The following RBFOX1 variants were observed in gnomAD, a reference collection of about 807,000 sequenced individuals.
The protein encoded by RBFOX1 is RNA binding protein fox-1 homolog 1.
Under a neutral mutation model 57.7 loss-of-function variants are expected in RBFOX1, and 8 were observed. That is an observed-to-expected ratio of 0.14 (90% CI 0.08 to 0.25). RBFOX1 has a LOEUF of 0.25. RBFOX1 is among the 10% of genes least tolerant of loss of function. The pLI, the probability that RBFOX1 is intolerant of heterozygous loss-of-function variation, is 1.00. For missense variants in RBFOX1, 611 were observed against 548.5 expected (o/e 1.11, Z -1.14); for synonymous variants, 326 against 222.4 (o/e 1.47, Z -4.15).
chr16:7,152,500 T>C (rs2076291678), intron 4 of RBFOX1, among the ~76,000 whole-genome samples: 1 of 152,174 alleles, frequency 6.6e-6, no homozygotes. Context: ...TCTTTAAAAA[T>C]TGTGGCCTTA....
At chr16:6,799,678 T>A (rs1301404536) in intron 3 of RBFOX1, among the ~76,000 whole-genome samples, 3 of 152,150 alleles carry the variant, frequency 2.0e-5, no homozygotes, top group Non-Finnish European at 2.9e-5. Flanking sequence ...GAAGGTGGGA[T>A]GAGCTAGTTT....
chr16:7,207,488 C>T (rs1243922379), intron 4 of RBFOX1, among the ~76,000 whole-genome samples: 1 of 152,066 alleles, frequency 6.6e-6, no homozygotes, highest in East Asian at 1.9e-4. Flanking sequence ...CCGGACTGGC[C>T]CCTAGCACAG....
intron 2 of RBFOX1, among the ~76,000 whole-genome samples, chr16:6,454,909 C>A (rs5026400): frequency 0.82 from 106,738 of 129,590 alleles, 43,957 homozygotes; most frequent in Middle Eastern, 0.91. Context: ...TTTGAGTTGG[C>A]GTCTCGCCCT....
chr16:6,268,824 C>A (rs551354343), intron 1 of RBFOX1, among the ~76,000 whole-genome samples: 1 of 152,274 alleles, frequency 6.6e-6, no homozygotes, highest in East Asian at 1.9e-4. Flanking sequence ...CCCTGTTCCT[C>A]CAACAGAGAA....
intron 4 of RBFOX1, among the ~76,000 whole-genome samples, chr16:7,391,371 T>C (rs1322642337): frequency 6.6e-6 from 1 of 152,176 alleles, no homozygotes; most frequent in African/African-American, 2.4e-5. Context: ...TCTCCAAGGA[T>C]ACCAATTATA....
chr16:7,575,028 C>T (rs906269331), intron 5 of RBFOX1, among the ~76,000 whole-genome samples: 3 of 147,050 alleles, frequency 2.0e-5, no homozygotes, highest in Non-Finnish European at 4.5e-5. Context: ...ATGTCCTTGT[C>T]TTCCATAAAT....
intron 4 of RBFOX1, among the ~76,000 whole-genome samples, chr16:7,196,161 C>T (rs895372503): frequency 2.6e-5 from 4 of 152,070 alleles, no homozygotes; most frequent in Non-Finnish European, 5.9e-5. Flanking sequence ...CAGGCTTGGC[C>T]CAATAATTTT....
At chr16:7,704,073 C>T (rs956090675) in intron 14 of RBFOX1, among the ~76,000 whole-genome samples, 3 of 152,136 alleles carry the variant, frequency 2.0e-5, no homozygotes, top group Admixed American at 6.5e-5. Context: ...AAAACTACTG[C>T]TTTACAAATG....
intron 3 of RBFOX1, among the ~76,000 whole-genome samples, chr16:6,921,840 C>T (rs1406916354): frequency 6.6e-6 from 1 of 151,956 alleles, no homozygotes; most frequent in African/African-American, 2.4e-5. Flanking sequence ...CTGCTGCATT[C>T]TGTTGGTTGG....
At chr16:6,023,889 G>T (rs2095134122) in intron 1 of RBFOX1, among the ~76,000 whole-genome samples, 1 of 152,182 alleles carries the variant, frequency 6.6e-6, no homozygotes, top group African/African-American at 2.4e-5. Context: ...CGAGGCACAG[G>T]TATAAATATT....
rs553678583 is a variant in RBFOX1, at chr16:5,992,952, A to G, written c.351+125617A>G. ...ACTCTGTCTCAAAAGAAAGAAAAAA[A>G]AGATTTGCATGACAGTGGCAGACAT... On this transcript the variant is annotated intron_variant, in intron 4 of 19. Coordinates refer to the RBFOX1 transcript ENST00000641259. 1.6e-3 allele frequency among the ~76,000 whole-genome samples: 250 copies of G among 152,242 alleles called. 1 individual carries two copies. Among genetic ancestry groups the G allele is most frequent in the Admixed American group, 3.9e-3 (59 of 15,286 alleles).
At chr16:6,855,338 A>G (rs72768850) in intron 3 of RBFOX1, among the ~76,000 whole-genome samples, 32,716 of 151,962 alleles carry the variant, frequency 0.22, 4,359 homozygotes, top group Admixed American at 0.36. Context: ...TTCAGCAGGT[A>G]GTCACACAAA....
intron 2 of RBFOX1, among the ~76,000 whole-genome samples, chr16:6,614,546 G>A (rs905029032): frequency 3.3e-5 from 5 of 152,150 alleles, no homozygotes; most frequent in African/African-American, 9.7e-5. Context: ...CAGACTGGAC[G>A]ACTTAGAACA....
chr16:5,471,113 C>A (rs1196385756), intron 2 of RBFOX1, among the ~76,000 whole-genome samples: 1 of 152,108 alleles, frequency 6.6e-6, no homozygotes, highest in Non-Finnish European at 1.5e-5. Flanking sequence ...GGATTGCAGG[C>A]GTGAGCCACT....
intron 4 of RBFOX1, among the ~76,000 whole-genome samples, chr16:5,935,527 C>T (rs2059151185): frequency 6.6e-6 from 1 of 152,110 alleles, no homozygotes; most frequent in Non-Finnish European, 1.5e-5. Context: ...GGCCGGTGGA[C>T]AGTGGCCTGG....
intron 2 of RBFOX1, among the ~76,000 whole-genome samples, chr16:6,623,592 C>G (rs1261110373): frequency 6.6e-6 from 1 of 152,058 alleles, no homozygotes; most frequent in African/African-American, 2.4e-5. Context: ...TATCCCTCCC[C>G]CTGCCCCACA....
intron 3 of RBFOX1, among the ~76,000 whole-genome samples, chr16:6,863,420 G>T (rs138602432): frequency 6.6e-6 from 1 of 151,940 alleles, no homozygotes; most frequent in Non-Finnish European, 1.5e-5. Context: ...ATTTAGAAAA[G>T]GCCCATAATG....
chr16:5,389,094 G>C (rs1463736590), intron 1 of RBFOX1, among the ~76,000 whole-genome samples: 2 of 151,714 alleles, frequency 1.3e-5, no homozygotes, highest in African/African-American at 2.4e-5. Context: ...GGGAGGCTGA[G>C]GCAGGAGAAT....
chr16:5,472,727 C>T (rs564353268), intron 2 of RBFOX1, among the ~76,000 whole-genome samples: 1 of 152,294 alleles, frequency 6.6e-6, no homozygotes, highest in Admixed American at 6.5e-5. Flanking sequence ...TTGATCATTT[C>T]CTAACAGAAG....
Sources: gnomAD v4.1 joint callset for allele counts (sites outside exome capture counted in the v4.1 genomes callset) on GRCh38, gnomAD v4.1.1 for gene constraint, MANE v1.5 for transcripts, NCBI Gene and HGNC (gene_info 2026-07-23, HGNC 2026-07-21) for gene names.